Variants in OXR1 observed in about 807,000 individuals in gnomAD.
The protein encoded by OXR1 is oxidation resistance 1.
OXR1 carries 41 observed loss-of-function variants against 104.6 expected under a neutral mutation model. The observed-to-expected ratio is 0.39, with a 90% confidence interval of 0.31 to 0.51. The LOEUF is 0.51. Ranked by LOEUF, OXR1 falls within the 20% of genes least tolerant of loss-of-function variation. OXR1 has a pLI of 0.77. For missense variants in OXR1, 955 were observed against 1,031.9 expected (o/e 0.93, Z 1.02); for synonymous variants, 348 against 348.4 (o/e 1.00, Z 0.01).
chr8:106,670,865 A>G (rs1038553898), intron 3 of OXR1, among the ~76,000 whole-genome samples: 4 of 151,940 alleles, frequency 2.6e-5, no homozygotes, highest in African/African-American at 9.7e-5. Flanking sequence ...GCTGGCCAAC[A>G]TGGGGAAACC....
chr8:106,469,477 G>C (rs961371542), intron 2 of OXR1, among the ~76,000 whole-genome samples: 2 of 151,840 alleles, frequency 1.3e-5, no homozygotes, highest in Admixed American at 1.3e-4. Context: ...ATACATACAA[G>C]AGCATGTACA....
intron 3 of OXR1, among the ~76,000 whole-genome samples, chr8:106,643,729 C>A (rs1823848990): frequency 6.6e-6 from 1 of 152,108 alleles, no homozygotes. Context: ...TTCCCATGGG[C>A]AAACCCTGCG....
chr8:106,444,164 A>G, intron 2 of OXR1, among the ~76,000 whole-genome samples: 1 of 152,184 alleles, frequency 6.6e-6, no homozygotes, highest in East Asian at 1.9e-4. Flanking sequence ...GCCAGTCAGA[A>G]TTGATTATTA....
intron 2 of OXR1, among the ~76,000 whole-genome samples, chr8:106,487,530 G>A (rs1448941111): frequency 4.0e-5 from 6 of 151,186 alleles, no homozygotes; most frequent in Non-Finnish European, 8.8e-5. Context: ...CCACTAACTC[G>A]TCATCTAGCA....
At chr8:106,627,147 A>G (rs943963268) in intron 3 of OXR1, among the ~76,000 whole-genome samples, 2 of 152,184 alleles carry the variant, frequency 1.3e-5, no homozygotes, top group Non-Finnish European at 1.5e-5. Flanking sequence ...TTCAGGATAG[A>G]ATAGTGATAT....
At chr8:106,738,003 A>G (rs1834559469) in intron 12 of OXR1, among the ~76,000 whole-genome samples, 1 of 152,202 alleles carries the variant, frequency 6.6e-6, no homozygotes, top group African/African-American at 2.4e-5. Context: ...ATTTAAGGCT[A>G]TTTCATTTAT....
At chr8:106,740,734 A>G (rs1297419915) in intron 14 of OXR1, among the ~76,000 whole-genome samples, 1 of 152,148 alleles carries the variant, frequency 6.6e-6, no homozygotes, top group East Asian at 1.9e-4. Context: ...ATTTGCACAT[A>G]CCAACATCTC....
At position 106,329,743 on chromosome 8, in the gene OXR1, T is replaced by C. The variant is rs1051736417; in HGVS notation, c.-138-29733T>C. 2.0e-5 allele frequency among the ~76,000 whole-genome samples: 3 copies of C among 152,294 alleles called. No individual in the cohort carries two copies. The East Asian group carries it at 5.8e-4, about 29-fold the overall frequency. ...CTGGCGAGTGGGAACAGCAGTCACA[T>C]GACAGTCTCACATCCCCCTACCTAT... On this transcript the variant is annotated intron_variant, in intron 1 of 16. Transcript: ENST00000517566.
At chr8:106,350,358 G>A (rs573497585) in intron 1 of OXR1, among the ~76,000 whole-genome samples, 1 of 152,240 alleles carries the variant, frequency 6.6e-6, no homozygotes, top group East Asian at 1.9e-4. Flanking sequence ...TTATTTAAAA[G>A]TTGCTGTAAG....
chr8:106,492,688 A>G (rs1811169662), intron 2 of OXR1, among the ~76,000 whole-genome samples: 1 of 152,184 alleles, frequency 6.6e-6, no homozygotes, highest in South Asian at 2.1e-4. Context: ...ACAAGCTTTT[A>G]AGTTACTGTC....
chr8:106,720,368 C>G (rs1832723333), intron 11 of OXR1, among the ~76,000 whole-genome samples: 1 of 152,146 alleles, frequency 6.6e-6, no homozygotes, highest in South Asian at 2.1e-4. Flanking sequence ...GGTGCGAAAA[C>G]TAGTATACCA....
chr8:106,395,311 CT>C, intron 2 of OXR1, among the ~76,000 whole-genome samples: 1 of 152,184 alleles, frequency 6.6e-6, no homozygotes, highest in East Asian at 1.9e-4. Flanking sequence ...GATTTTCATG[CT>C]GCTGATAAAG....
intron 2 of OXR1, among the ~76,000 whole-genome samples, chr8:106,417,193 TA>T (rs1231377919): frequency 2.0e-5 from 3 of 152,122 alleles, no homozygotes; most frequent in African/African-American, 7.2e-5. Flanking sequence ...TAATAGTACC[TA>T]TGTCATAAGA....
At chr8:106,537,260 G>A (rs1197198465) in intron 3 of OXR1, among the ~76,000 whole-genome samples, 6 of 152,138 alleles carry the variant, frequency 3.9e-5, no homozygotes, top group African/African-American at 1.4e-4. Flanking sequence ...ATCCATAGCA[G>A]CAATGCATTA....
intron 3 of OXR1, among the ~76,000 whole-genome samples, chr8:106,651,740 T>C (rs570178229): frequency 1.3e-5 from 2 of 152,278 alleles, no homozygotes; most frequent in Non-Finnish European, 2.9e-5. Context: ...TGTTGGTTCT[T>C]TGGGGTTCCT....
Position 106,584,259 on chromosome 8 carries a change from G to A in OXR1, c.220+65120G>A, listed in dbSNP as rs1818461227. 2.6e-5 allele frequency among the ~76,000 whole-genome samples: 4 copies of A among 151,968 alleles called. No individual in the cohort carries two copies. The South Asian group carries it at 8.3e-4, about 32-fold the overall frequency. ...GTAGAGAAACCTGAGGGCCAGTCAT[G>A]GAACTCCATCATCCAAACAGGATCT... On this transcript the variant is annotated intron_variant, in intron 3 of 16. Coordinates refer to ENST00000517566, the MANE Select transcript of OXR1 (RefSeq NM_001198533.2).
chr8:106,514,476 A>C (rs943167085), intron 2 of OXR1, among the ~76,000 whole-genome samples: 1 of 152,142 alleles, frequency 6.6e-6, no homozygotes, highest in African/African-American at 2.4e-5. Context: ...ACTTAGAACA[A>C]AAACGTGATG....
chr8:106,488,104 T>C (rs1209493014), intron 2 of OXR1, among the ~76,000 whole-genome samples: 1 of 146,986 alleles, frequency 6.8e-6, no homozygotes, highest in Non-Finnish European at 1.5e-5. Flanking sequence ...GACTTTTTAA[T>C]GATTGCCATT....
intron 2 of OXR1, among the ~76,000 whole-genome samples, chr8:106,444,636 A>G (rs1257391931): frequency 6.6e-6 from 1 of 152,146 alleles, no homozygotes. Flanking sequence ...GAGTTAAACA[A>G]TGAGAACACA....
Sources: gnomAD v4.1 joint callset for allele counts (sites outside exome capture counted in the v4.1 genomes callset) on GRCh38, gnomAD v4.1.1 for gene constraint, MANE v1.5 for transcripts, NCBI Gene and HGNC (gene_info 2026-07-23, HGNC 2026-07-21) for gene names.